TMEM201: variants seen among roughly 807,000 people sequenced by gnomAD.
TMEM201 encodes transmembrane protein 201.
Under a neutral mutation model 63.4 loss-of-function variants are expected in TMEM201, and 26 were observed. That is an observed-to-expected ratio of 0.41 (90% CI 0.30 to 0.57). The LOEUF (loss-of-function observed/expected upper bound fraction) is 0.57, where lower values mean the gene tolerates loss of function less well. TMEM201 is among the 20% of genes least tolerant of loss of function. TMEM201 has a pLI of 0.29. For missense variants in TMEM201, 794 were observed against 917.7 expected (o/e 0.87, Z 1.74); for synonymous variants, 417 against 421.6 (o/e 0.99, Z 0.14).
At chr1:9,599,375 GT>G (rs1357640657) in intron 4 of TMEM201, among the ~76,000 whole-genome samples, 1 of 151,484 alleles carries the variant, frequency 6.6e-6, no homozygotes. Context: ...AGCCTCCTGA[GT>G]AGCTGGGATT....
At position 9,603,554 on chromosome 1, in the gene TMEM201, G is replaced by A; in HGVS notation, c.1160+1282G>A. ...CGAGTTCACCTTCCAGATGTGGCCA[G>A]GGTGTGCCAGCTCCTCTCTCCTGTG... On this transcript the variant is annotated intron_variant, in intron 6 of 10. Coordinates refer to ENST00000340381, the MANE Select transcript of TMEM201 (RefSeq NM_001130924.3). The surrounding 1 kb of genome is among the most constrained non-coding windows in gnomAD (Gnocchi z 4.5). The A allele has an allele frequency of 1.0e-6, 1 of 985,542 alleles. No homozygotes were observed. The highest frequency in any genetic ancestry group is 1.2e-6 in the Non-Finnish European group (1 of 830,014). The allele number at this position is 985,542 out of a possible 1,614,324, so 61.0% of individuals were successfully genotyped here. A position where few individuals can be genotyped will look rare whatever the true frequency, so the allele number is the denominator to read the frequency against.
At position 9,601,100 on chromosome 1, in the gene TMEM201, T is replaced by G; in HGVS notation, c.607-5T>G. On this transcript the variant is annotated splice_polypyrimidine_tract_variant and splice_region_variant and intron_variant, in intron 4 of 10. Transcript: ENST00000340381. ...CACTAACCCGCCTCTCTTCCTCCTTTGCAGAACTTCTCCTCCGCCGTGAAG... is the reference window on the plus strand; with the variant it reads ...CACTAACCCGCCTCTCTTCCTCCTTGGCAGAACTTCTCCTCCGCCGTGAAG... 1.3e-6 allele frequency: 2 copies of G among 1,578,848 alleles called. No homozygotes were observed. The highest frequency in any genetic ancestry group is 1.7e-6 in the Non-Finnish European group (2 of 1,156,274).
rs1644315459 is a variant in TMEM201 at position 9,610,882 on chromosome 1, G to T, written c.1765+77G>T. The T allele has an allele frequency of 1.7e-5, 26 of 1,490,200 alleles. No homozygotes were observed. The South Asian group carries it at 3.4e-4, about 19-fold the overall frequency. The allele number at this position is 1,490,200 out of a possible 1,614,324, so 92.3% of individuals were successfully genotyped here. ...GAGGCCTGGCTGTGCGGCGGTGGGG[G>T]GGCTCATCCTTGCTCTGACTCCGGT... On this transcript the variant is annotated intron_variant, in intron 9 of 10. Transcript: ENST00000340381. The surrounding 1 kb of genome is among the most constrained non-coding windows in gnomAD (Gnocchi z 4.9).
intron 6 of TMEM201, chr1:9,606,480 A>T (rs934618304): frequency 2.6e-5 from 4 of 152,230 alleles, no homozygotes; most frequent in Non-Finnish European, 4.4e-5. Flanking sequence ...GGAAAGTAGC[A>T]GGGAGGTTGG....
rs1314620725 is a variant in TMEM201, at chr1:9,602,262, C to T, written c.1150C>T (p.Arg384Trp). 2 of 1,611,286 alleles carry T rather than the reference C, an allele frequency of 1.2e-6. No individual in the cohort carries two copies. The highest frequency in any genetic ancestry group is 1.7e-6 in the Non-Finnish European group (2 of 1,179,778). Residue 384 changes from arginine (R) to tryptophan (W), a missense_variant, in exon 6 of 11, where the codon CGG becomes TGG. Coordinates refer to ENST00000340381, the MANE Select transcript of TMEM201 (RefSeq NM_001130924.3). Reference protein sequence around the residue: ...TRKATGPRRFRPRRFFPGDSA... With the variant: ...TRKATGPRRFWPRRFFPGDSA... ...GAAGGCAACGGGCCCACGGAGGTTC[C>T]GGCCCCGAAGGTCAGAGAAGCAGCC...
chr1:9,613,094 G>A lies in TMEM201; in HGVS notation c.*11G>A. 1.3e-6 allele frequency: 2 copies of A among 1,549,670 alleles called. No individual in the cohort carries two copies. The highest frequency in any genetic ancestry group is 1.7e-6 in the Non-Finnish European group (2 of 1,146,874). On this transcript the variant is annotated 3_prime_UTR_variant, in exon 11 of 11. Transcript: ENST00000340381. ...CAGAGCCTGCGCTGACCCACCGTTG[G>A]AGCCCCTCGGAGGGGAGCAACCCGG...
chr1:9,595,321 T>C (rs1446941885), intron 1 of TMEM201, among the ~76,000 whole-genome samples: 1 of 152,212 alleles, frequency 6.6e-6, no homozygotes, highest in African/African-American at 2.4e-5. Flanking sequence ...TGGGCAGCTG[T>C]CACTTGCTCC....
intron 4 of TMEM201, among the ~76,000 whole-genome samples, chr1:9,599,867 A>T (rs938540720): frequency 1.3e-5 from 2 of 152,134 alleles, no homozygotes; most frequent in East Asian, 3.9e-4. Context: ...CAAAGTGCTG[A>T]CATTACAGGC....
intron 6 of TMEM201, chr1:9,602,575 C>T (rs1644166877): frequency 7.7e-7 from 1 of 1,307,096 alleles, no homozygotes; most frequent in Non-Finnish European, 9.8e-7. Flanking sequence ...GTGGGCAGCG[C>T]CCACACAGGC....
intron 1 of TMEM201, among the ~76,000 whole-genome samples, chr1:9,594,152 G>A (rs141251871): frequency 1.7e-3 from 266 of 152,368 alleles, no homozygotes; most frequent in African/African-American, 6.1e-3. Context: ...TGACAGGTGA[G>A]GGATGAGACT....
At position 9,596,973 on chromosome 1, in the gene TMEM201, C is replaced by G. The variant is rs1171789146; in HGVS notation, c.349C>G (p.Gln117Glu). 1 of 1,613,096 alleles carries G rather than the reference C, an allele frequency of 6.2e-7. No individual in the cohort carries two copies. The highest frequency in any genetic ancestry group is 1.1e-5 in the South Asian group (1 of 91,074). The change falls in exon 3 of 11, where the codon CAA (glutamine) becomes GAA (glutamate). Residue 117 changes from glutamine (Q) to glutamate (E), a missense_variant. Transcript: ENST00000340381. ...GCAGCCGCAGCAGTGGGTGAGCAGCCAAGTCCTGCTGTGCAAGAGGTGCAA... is the reference window on the plus strand; with the variant it reads ...GCAGCCGCAGCAGTGGGTGAGCAGCGAAGTCCTGCTGTGCAAGAGGTGCAA... ...PSQPQQWVSS[Q>E]VLLCKRCNHH...
rs1187154092 is a variant in TMEM201 at position 9,604,776 on chromosome 1, A to G, written c.1160+2504A>G. On this transcript the variant is annotated intron_variant, in intron 6 of 10. Transcript: ENST00000340381. This position sits in a 1 kb window ranked among gnomAD's most constrained non-coding sequence, Gnocchi z 4.1. The stretch of plus-strand genomic sequence containing the variant: ...GCACCTGCCACATTCAGCCCTGCCC[A>G]GGAAGGAACACATGACCCTTCTGTC... 1 of 986,014 alleles carries G rather than the reference A, an allele frequency of 1.0e-6. No homozygotes were observed. Among genetic ancestry groups the G allele is most frequent in the African/African-American group, 1.7e-5 (1 of 57,370 alleles). 61.1% of individuals were successfully genotyped at this position (986,014 alleles called of 1,614,324 possible).
Position 9,614,498 on chromosome 1 carries a change from A to G in TMEM201, c.*1415A>G, listed in dbSNP as rs556869670. 6.6e-6 allele frequency: 1 copy of G among 152,032 alleles called. No individual in the cohort carries two copies. Among genetic ancestry groups the G allele is most frequent in the African/African-American group, 2.4e-5 (1 of 41,432 alleles). 9.4% of individuals were successfully genotyped at this position (152,032 alleles called of 1,614,324 possible). A position where few individuals can be genotyped will look rare whatever the true frequency, so the allele number is the denominator to read the frequency against. ...CGCCTCCTGCCCTGCCTACCCCTGA[A>G]ACGTGGGGAATGGGGGCCCCAGGAC... On this transcript the variant is annotated 3_prime_UTR_variant, in exon 11 of 11. Transcript: ENST00000340381.
rs1158100701 is a variant in TMEM201, at chr1:9,603,661, G to A, written c.1160+1389G>A. ...TCACCTGGGTCTGCCGGGATGGGTT[G>A]GGGGGGCAGGTGCCAGGCCTCACTG... On this transcript the variant is annotated intron_variant, in intron 6 of 10. Coordinates refer to ENST00000340381, the MANE Select transcript of TMEM201 (RefSeq NM_001130924.3). This position sits in a 1 kb window ranked among gnomAD's most constrained non-coding sequence, Gnocchi z 4.5. The A allele has an allele frequency of 2.0e-6, 2 of 985,288 alleles. No individual in the cohort carries two copies. Among genetic ancestry groups the A allele is most frequent in the Non-Finnish European group, 2.4e-6 (2 of 829,968 alleles). 61.0% of individuals were successfully genotyped at this position (985,288 alleles called of 1,614,324 possible). A position where few individuals can be genotyped will look rare whatever the true frequency, so the allele number is the denominator to read the frequency against.
chr1:9,609,796 T>A, intron 7 of TMEM201, 44 bp from the exon 8 acceptor site: 5 of 1,539,606 alleles, frequency 3.2e-6, no homozygotes, highest in Non-Finnish European at 4.4e-6. Context: ...CCTCTGCACG[T>A]CATCCACAGG....
In TMEM201 at chr1:9,611,738, C is replaced by G. The variant is rs960783426; in HGVS notation, c.1766-15C>G. 6.4e-7 allele frequency: 1 copy of G among 1,551,212 alleles called. No individual in the cohort carries two copies. The highest frequency in any genetic ancestry group is 1.4e-5 in the African/African-American group (1 of 73,044). On this transcript the variant is annotated splice_polypyrimidine_tract_variant and intron_variant, in intron 9 of 10. Coordinates refer to ENST00000340381, the MANE Select transcript of TMEM201 (RefSeq NM_001130924.3). ...GCCATGAGCGCCACTGAGAAACACA[C>G]CCTTCTCTCTGCAGACCTGAGATCC... is the stretch of plus-strand genomic sequence containing the variant.
At position 9,604,336 on chromosome 1, in the gene TMEM201, G is replaced by T. The variant is rs1414040062; in HGVS notation, c.1160+2064G>T. The T allele has an allele frequency of 2.0e-6, 2 of 985,316 alleles. No homozygotes were observed. The highest frequency in any genetic ancestry group is 6.1e-5 in the Admixed American group (1 of 16,262). 61.0% of individuals were successfully genotyped at this position (985,316 alleles called of 1,614,324 possible). On this transcript the variant is annotated intron_variant, in intron 6 of 10. Coordinates refer to ENST00000340381, the MANE Select transcript of TMEM201 (RefSeq NM_001130924.3). The surrounding 1 kb of genome is among the most constrained non-coding windows in gnomAD (Gnocchi z 4.1). ...TCCTGCCCTCTGCCGGGGTCCGGAA[G>T]CGACATCTCAGGAGGTAGCTCTCAG...
intron 1 of TMEM201, 37 bp from the exon 2 acceptor site, chr1:9,595,853 G>T: frequency 6.2e-7 from 1 of 1,610,480 alleles, no homozygotes; most frequent in Non-Finnish European, 8.5e-7. Flanking sequence ...AGGTGCTGGG[G>T]TCTTCCAGGC....
chr1:9,604,457 C>T lies in TMEM201; in HGVS notation c.1160+2185C>T. 1.0e-6 allele frequency: 1 copy of T among 985,438 alleles called. No individual in the cohort carries two copies. Among genetic ancestry groups the T allele is most frequent in the Non-Finnish European group, 1.2e-6 (1 of 829,930 alleles). 61.0% of individuals were successfully genotyped at this position (985,438 alleles called of 1,614,324 possible). A position where few individuals can be genotyped will look rare whatever the true frequency, so the allele number is the denominator to read the frequency against. On this transcript the variant is annotated intron_variant, in intron 6 of 10. Transcript: ENST00000340381. This position sits in a 1 kb window ranked among gnomAD's most constrained non-coding sequence, Gnocchi z 4.1. Reference sequence around the variant, plus strand: ...TTTCACTACGTGGAGAAAATTCCAGCACCAAGTGTTGTGGCAACAGCTGAG... The same window carrying T: ...TTTCACTACGTGGAGAAAATTCCAGTACCAAGTGTTGTGGCAACAGCTGAG...
Sources: allele counts gnomAD v4.1 joint callset (sites outside exome capture counted in the v4.1 genomes callset), GRCh38; gene constraint gnomAD v4.1.1; non-coding constraint Gnocchi (gnomAD v3.1); transcripts MANE v1.5; gene names NCBI Gene and HGNC (gene_info 2026-07-23, HGNC 2026-07-21).